The following CEP85 variants were observed in gnomAD, a reference collection of about 807,000 sequenced individuals.
The protein encoded by CEP85 is centrosomal protein 85.
Under a neutral mutation model 93.7 loss-of-function variants are expected in CEP85, and 58 were observed. The ratio of observed to expected loss-of-function variants is 0.62; its 90% confidence interval spans 0.50 to 0.77. The LOEUF (loss-of-function observed/expected upper bound fraction) is 0.77. CEP85 is among the 30% of genes least tolerant of loss of function. The pLI, the probability that CEP85 is intolerant of heterozygous loss-of-function variation, is 0.00. For synonymous variants in CEP85, 314 were observed against 338.6 expected (o/e 0.93, Z 0.80); for missense variants, 868 against 922.0 (o/e 0.94, Z 0.76).
In CEP85 at chr1:26,259,617, G is replaced by A. The variant is rs774453040; in HGVS notation, c.1156G>A (p.Glu386Lys). 19 of 1,605,436 alleles carry A rather than the reference G, an allele frequency of 1.2e-5. No homozygotes were observed. The South Asian group carries it at 2.1e-4, about 18-fold the overall frequency. Residue 386 changes from glutamate to lysine, a missense_variant and splice_region_variant, in exon 7 of 14, where the codon GAA (glutamate) becomes AAA (lysine). Physicochemically the swap from Glu to Lys is moderately conservative, Grantham distance 56. Coordinates refer to ENST00000451429, the MANE Select transcript of CEP85 (RefSeq NM_001319944.2). ...FGDVCLLRLQ[E>K]LQRENTFLRA... ...TACATATTGAGAATCTTTCTGGCAG[G>A]AATTGCAGCGAGAAAACACTTTCTT... is the stretch of plus-strand genomic sequence containing the variant.
chr1:26,278,130 C>T lies in CEP85; in HGVS notation c.*837C>T, dbSNP rs1048942490. On this transcript the variant is annotated 3_prime_UTR_variant, in exon 14 of 14. Transcript: ENST00000451429. ...CAGAGCAACTGTCAAGCTGCTTACC[C>T]CCTCACCCAGGGCTACAGCCTGTGC... 6 of 152,694 alleles carry T rather than the reference C, an allele frequency of 3.9e-5. No homozygotes were observed. The highest frequency in any genetic ancestry group is 1.4e-4 in the African/African-American group (6 of 41,436). 9.5% of individuals were successfully genotyped at this position (152,694 alleles called of 1,614,324 possible). A position where few individuals can be genotyped will look rare whatever the true frequency, so the allele number is the denominator to read the frequency against.
Position 26,255,815 on chromosome 1 carries a change from A to C in CEP85, c.853A>C (p.Thr285Pro). ...CCGAGAGCAATCTTGTGAACTCAGC[A>C]CTTGTCGGCAGCAGCTGGAATTGAT... ...HPREQSCELS[T>P]CRQQLELIRL... Residue 285 changes from threonine (T) to proline (P), a missense_variant, in exon 4 of 14, where the codon ACT becomes CCT. By Grantham distance (38) the Thr-to-Pro change is conservative. Coordinates refer to ENST00000451429, the MANE Select transcript of CEP85 (RefSeq NM_001319944.2). 6.2e-7 allele frequency: 1 copy of C among 1,613,392 alleles called. No individual in the cohort carries two copies. The highest frequency in any genetic ancestry group is 8.5e-7 in the Non-Finnish European group (1 of 1,179,586).
intron 7 of CEP85, among the ~76,000 whole-genome samples, chr1:26,267,126 T>C (rs1160997791): frequency 6.6e-6 from 1 of 152,222 alleles, no homozygotes; most frequent in Non-Finnish European, 1.5e-5. Context: ...ACAGCAAATT[T>C]TGGGGTCTTC....
At position 26,259,553 on chromosome 1, in the gene CEP85, A is replaced by G. The variant is rs998885575; in HGVS notation, c.1156-64A>G. 8.6e-6 allele frequency: 12 copies of G among 1,394,808 alleles called. No homozygotes were observed. The East Asian group carries it at 2.8e-4, about 33-fold the overall frequency. The allele number at this position is 1,394,808 out of a possible 1,614,324, so 86.4% of individuals were successfully genotyped here. A position where few individuals can be genotyped will look rare whatever the true frequency, so the allele number is the denominator to read the frequency against. On this transcript the variant is annotated intron_variant, in intron 6 of 13. Coordinates refer to ENST00000451429, the MANE Select transcript of CEP85 (RefSeq NM_001319944.2). ...TATTTGACCGTGAAGTATGCTGGGA[A>G]TAAGTAAAGTACATGAGACTATAAG...
chr1:26,249,518 C>A (rs2089570887), intron 3 of CEP85, among the ~76,000 whole-genome samples: 1 of 152,234 alleles, frequency 6.6e-6, no homozygotes, highest in African/African-American at 2.4e-5. Context: ...TTCCACCCTT[C>A]TTCACTAAGG....
intron 7 of CEP85, among the ~76,000 whole-genome samples, chr1:26,266,170 C>G (rs888221950): frequency 1.3e-5 from 2 of 151,136 alleles, no homozygotes; most frequent in Non-Finnish European, 2.9e-5. Context: ...GATCACACCA[C>G]TGCACTCCAG....
At position 26,255,238 on chromosome 1, in the gene CEP85, C is replaced by A. The variant is rs1253082213; in HGVS notation, c.276C>A (p.Ala92=). ...PIKSHVTIPT[A]HVMPSTLGTS... Reference sequence around the variant, plus strand: ...AAAGCCACGTAACCATTCCAACAGCCCATGTGATGCCTTCTACTTTAGGGA... The same window carrying A: ...AAAGCCACGTAACCATTCCAACAGCACATGTGATGCCTTCTACTTTAGGGA... The change falls in exon 4 of 14, where the codon GCC becomes GCA. Residue 92 remains alanine (A), a synonymous_variant. Coordinates refer to ENST00000451429, the MANE Select transcript of CEP85 (RefSeq NM_001319944.2). 3 of 1,614,140 alleles carry A rather than the reference C, an allele frequency of 1.9e-6. 1 individual carries two copies. Among genetic ancestry groups the A allele is most frequent in the Middle Eastern group, 1.6e-4 (1 of 6,062 alleles).
chr1:26,264,442 A>G (rs2089861962), intron 7 of CEP85, among the ~76,000 whole-genome samples: 1 of 152,190 alleles, frequency 6.6e-6, no homozygotes, highest in South Asian at 2.1e-4. Context: ...CTGAGGCAGG[A>G]GAATCGCTTG....
chr1:26,258,875 G>A (rs570086688), intron 6 of CEP85, among the ~76,000 whole-genome samples: 7 of 152,226 alleles, frequency 4.6e-5, no homozygotes, highest in East Asian at 3.9e-4. Context: ...GATTACAGGC[G>A]GGAGTCACTG....
chr1:26,277,306 G>A lies in CEP85; in HGVS notation c.*13G>A. 1 of 1,605,030 alleles carries A rather than the reference G, an allele frequency of 6.2e-7. No homozygotes were observed. Among genetic ancestry groups the A allele is most frequent in the South Asian group, 1.1e-5 (1 of 90,910 alleles). ...TGTCACACAGTGAGGAATTCTGGGG[G>A]ATTCCCCCAGGGAGGAGCTGGGCTG... On this transcript the variant is annotated 3_prime_UTR_variant, in exon 14 of 14. Coordinates refer to ENST00000451429, the MANE Select transcript of CEP85 (RefSeq NM_001319944.2).
intron 7 of CEP85, among the ~76,000 whole-genome samples, chr1:26,267,197 G>A (rs1322970394): frequency 2.6e-5 from 4 of 152,074 alleles, no homozygotes; most frequent in African/African-American, 9.7e-5. Flanking sequence ...ACCCCTTCAG[G>A]TTTAATAATT....
rs1367730623 is a variant in CEP85 at position 26,257,720 on chromosome 1, C to T, written c.1027C>T (p.Leu343Phe). Reference sequence around the variant, plus strand: ...ACACCTTCTGAAGGAAAAAGAGCTTCTCATTGACAAGTAAGAGGGCAAGGG... The same window carrying T: ...ACACCTTCTGAAGGAAAAAGAGCTTTTCATTGACAAGTAAGAGGGCAAGGG... Reference protein sequence around the residue: ...NEHLLKEKELLIDKQRKHISQ... With the variant: ...NEHLLKEKELFIDKQRKHISQ... Residue 343 changes from leucine (L) to phenylalanine (F), a missense_variant, in exon 5 of 14, where the codon CTC (leucine) becomes TTC (phenylalanine). Coordinates refer to ENST00000451429, the MANE Select transcript of CEP85 (RefSeq NM_001319944.2). 1 of 1,613,998 alleles carries T rather than the reference C, an allele frequency of 6.2e-7. No individual in the cohort carries two copies. Among genetic ancestry groups the T allele is most frequent in the Non-Finnish European group, 8.5e-7 (1 of 1,180,016 alleles).
rs776889439 is a variant in CEP85, at chr1:26,272,041, G to A, written c.1764G>A (p.Gln588=). ...SLQKIVEKQQ[Q]KMDQLRSQVQ... ...TTCAGATTGTGGAGAAGCAGCAGCAGAAGATGGATCAGTTGCGCTCACAAG... is the reference window on the plus strand; with the variant it reads ...TTCAGATTGTGGAGAAGCAGCAGCAAAAGATGGATCAGTTGCGCTCACAAG... The change falls in exon 11 of 14, where the codon CAG becomes CAA. Residue 588 remains glutamine, a synonymous_variant. Transcript: ENST00000451429. The A allele has an allele frequency of 5.6e-6, 9 of 1,614,174 alleles. No individual in the cohort carries two copies. The highest frequency in any genetic ancestry group is 1.1e-5 in the South Asian group (1 of 91,068).
chr1:26,234,950 G>A (rs1048431309), intron 1 of CEP85, among the ~76,000 whole-genome samples: 10 of 152,200 alleles, frequency 6.6e-5, no homozygotes, highest in Non-Finnish European at 7.3e-5. Flanking sequence ...GAAGAAGCCA[G>A]GGATGCTGTT....
intron 7 of CEP85, among the ~76,000 whole-genome samples, chr1:26,260,876 A>C (rs1346249058): frequency 6.6e-6 from 1 of 150,858 alleles, no homozygotes; most frequent in Admixed American, 6.6e-5. Flanking sequence ...CTGCAACCTC[A>C]GCCTCCTGGG....
chr1:26,250,791 A>G (rs1243572014), intron 3 of CEP85, among the ~76,000 whole-genome samples: 1 of 151,916 alleles, frequency 6.6e-6, no homozygotes, highest in Non-Finnish European at 1.5e-5. Flanking sequence ...AAAGATGTTT[A>G]TTTTGCCCAG....
At position 26,269,441 on chromosome 1, in the gene CEP85, A is replaced by T; in HGVS notation, c.1495-19A>T. 1 of 1,612,450 alleles carries T rather than the reference A, an allele frequency of 6.2e-7. No individual in the cohort carries two copies. Among genetic ancestry groups the T allele is most frequent in the Non-Finnish European group, 8.5e-7 (1 of 1,178,704 alleles). On this transcript the variant is annotated intron_variant, in intron 8 of 13. Coordinates refer to ENST00000451429, the MANE Select transcript of CEP85 (RefSeq NM_001319944.2). ...AACACTTGGCTTATTTGACCTAAACATGGGATCCTGTCTCTCAGCTTAAGG... is the reference window on the plus strand; with the variant it reads ...AACACTTGGCTTATTTGACCTAAACTTGGGATCCTGTCTCTCAGCTTAAGG...
chr1:26,268,652 G>A lies in CEP85; in HGVS notation c.1494+17G>A. The A allele has an allele frequency of 6.2e-7, 1 of 1,600,118 alleles. No homozygotes were observed. The highest frequency in any genetic ancestry group is 8.5e-7 in the Non-Finnish European group (1 of 1,173,252). ...AGCCAGCAGGTAGCAGCAATGTCTT[G>A]GCATGCCTGGGGTGATCAGGGAGTG... On this transcript the variant is annotated intron_variant, in intron 8 of 13. Transcript: ENST00000451429.
At chr1:26,266,102 G>T (rs946900204) in intron 7 of CEP85, among the ~76,000 whole-genome samples, 1 of 151,960 alleles carries the variant, frequency 6.6e-6, no homozygotes, top group Admixed American at 6.6e-5. Flanking sequence ...CCAGCTCCTC[G>T]GGAGGCTGAG....
Sources: allele counts gnomAD v4.1 joint callset (sites outside exome capture counted in the v4.1 genomes callset), GRCh38; gene constraint gnomAD v4.1.1; transcripts MANE v1.5; gene names NCBI Gene and HGNC (gene_info 2026-07-23, HGNC 2026-07-21).